FGFR1: variants seen among roughly 807,000 people sequenced by gnomAD.
FGFR1 encodes the protein FGFR1/PLAG1 fusion.
In FGFR1, 18 loss-of-function variants were observed where a neutral mutation model predicts 93.7. That is an observed-to-expected ratio of 0.19 (90% confidence interval 0.13 to 0.28). The LOEUF (loss-of-function observed/expected upper bound fraction) is 0.28, where lower values mean the gene tolerates loss of function less well. Ranked by LOEUF, FGFR1 falls within the 10% of genes least tolerant of loss-of-function variation. The pLI is 1.00. For missense variants in FGFR1, 731 were observed against 1,080.4 expected, an observed-to-expected ratio of 0.68 and a Z score of 4.53; for synonymous variants, 448 against 429.3, an observed-to-expected ratio of 1.04 and a Z score of -0.54.
At chr8:38,453,125 G>A (rs1831617410) in intron 2 of FGFR1, among the ~76,000 whole-genome samples, 1 of 152,210 alleles carries the variant, frequency 6.6e-6, no homozygotes, top group Non-Finnish European at 1.5e-5. Context: ...CCTGGGCACA[G>A]CAGTTCTCTG....
At chr8:38,437,712 C>T (rs961866260) in intron 2 of FGFR1, among the ~76,000 whole-genome samples, 1 of 152,160 alleles carries the variant, frequency 6.6e-6, no homozygotes, top group African/African-American at 2.4e-5. Flanking sequence ...AAAACAGTAA[C>T]AAATAATGAT....
chr8:38,457,236 G>A, intron 2 of FGFR1, 120 bp downstream of exon 2: 1 of 1,122,280 alleles, frequency 8.9e-7, no homozygotes, highest in South Asian at 1.3e-5. Flanking sequence ...GGAGTTCTTT[G>A]CTCCACTTGG....
At chr8:38,430,437 C>T (rs747200320) in intron 2 of FGFR1, 1 of 159,596 alleles carries the variant, frequency 6.3e-6, no homozygotes, top group Non-Finnish European at 1.4e-5. Context: ...CCCCAGCAGC[C>T]CCTGCCCAAG....
intron 1 of FGFR1, among the ~76,000 whole-genome samples, chr8:38,466,882 G>C (rs1835640608): frequency 1.2e-5 from 1 of 81,458 alleles, no homozygotes; most frequent in African/African-American, 4.3e-5. Context: ...ACAAGAAACA[G>C]GCTTCACACC....
intron 1 of FGFR1, among the ~76,000 whole-genome samples, chr8:38,464,230 C>T (rs532723722): frequency 8.2e-5 from 12 of 145,810 alleles, no homozygotes; most frequent in African/African-American, 3.0e-4. Flanking sequence ...GCAGGAGAAT[C>T]GCTTCAACCG....
chr8:38,434,931 G>A (rs1250695851), intron 2 of FGFR1: 1 of 152,468 alleles, frequency 6.6e-6, no homozygotes, highest in Non-Finnish European at 1.5e-5. Flanking sequence ...GCAATGGCGT[G>A]ATCTCGGATC....
In FGFR1 at chr8:38,446,558, G is replaced by A. The variant is rs947710373; in HGVS notation, c.91+10798C>T. On this transcript the variant is annotated intron_variant, in intron 2 of 17. Transcript: ENST00000447712. ...CTCCCGAGTAGCTGGGATTACAGGC[G>A]CCCACCACCACGCCCAGGTAATTTT... Among the ~76,000 whole-genome samples the A allele has an allele frequency of 2.6e-5, 4 of 152,010 alleles. No individual in the cohort carries two copies. The East Asian group carries it at 5.8e-4, about 22-fold the overall frequency.
At chr8:38,461,232 C>T (rs912737145) in intron 1 of FGFR1, 22 of 1,135,804 alleles carry the variant, frequency 1.9e-5, no homozygotes, top group African/African-American at 6.2e-5. Context: ...GGACGGACCA[C>T]GTGACCTTGA....
rs762408202 is a variant in FGFR1, at chr8:38,418,317, T to G, written c.1341A>C (p.Ser447=). 5 of 1,614,150 alleles carry G rather than the reference T, an allele frequency of 3.1e-6. 1 individual carries two copies. The South Asian group carries it at 5.5e-5, about 18-fold the overall frequency. ...MNSGVLLVRP[S]RLSSSGTPML... ...TGGGAGTCCCACTGGAGGAGAGCCG[T>G]GATGGCCGAACCAGAAGAACCCCAG... Residue 447 remains serine (S), a synonymous_variant, in exon 10 of 18, where the codon TCA becomes TCC. Transcript: ENST00000447712.
In FGFR1 at chr8:38,414,019, T is replaced by G; in HGVS notation, c.2191A>C (p.Met731Leu). 6.2e-7 allele frequency: 1 copy of G among 1,614,056 alleles called. No homozygotes were observed. Among genetic ancestry groups the G allele is most frequent in the Non-Finnish European group, 8.5e-7 (1 of 1,179,966 alleles). ...KPSNCTNELY[M>L]MMRDCWHAVP... ...GCATGCCAGCAGTCCCGCATCATCATGTACCTGCGGCAGGACTGTAAGGTC... is the reference window on the plus strand; with the variant it reads ...GCATGCCAGCAGTCCCGCATCATCAGGTACCTGCGGCAGGACTGTAAGGTC... Residue 731 changes from methionine to leucine, a missense_variant, in exon 17 of 18, where the codon ATG becomes CTG. Coordinates refer to ENST00000447712, the MANE Select transcript of FGFR1 (RefSeq NM_023110.3).
rs190045714 is a variant in FGFR1, at chr8:38,438,901, T to C, written c.92-8953A>G. ...TCCTTCCCTCATTTCCTCAAGCCCATAGCTCATATCAATCATTACCTTACA... is the reference window on the plus strand; with the variant it reads ...TCCTTCCCTCATTTCCTCAAGCCCACAGCTCATATCAATCATTACCTTACA... On this transcript the variant is annotated intron_variant, in intron 2 of 17. Transcript: ENST00000447712. Among the ~76,000 whole-genome samples the C allele has an allele frequency of 1.3e-4, 20 of 152,252 alleles. 1 individual carries two copies. Among genetic ancestry groups the C allele is most frequent in the East Asian group, 7.7e-4 (4 of 5,186 alleles).
At chr8:38,457,609 G>A (rs1586749545) in intron 1 of FGFR1, 75 bp from the exon 2 acceptor site, 3 of 1,439,788 alleles carry the variant, frequency 2.1e-6, no homozygotes, top group African/African-American at 2.8e-5. Flanking sequence ...AGAAGGTAAA[G>A]TATGCCATGT....
Position 38,411,596 on chromosome 8 carries a change from A to G in FGFR1, c.*2032T>C, listed in dbSNP as rs188827615. ...GCAGCAATCCCATTTTCCCTACAGA[A>G]ATGAAAACATATTGAACTTTCTTTT... On this transcript the variant is annotated 3_prime_UTR_variant, in exon 18 of 18. Transcript: ENST00000447712. 8.3e-4 allele frequency: 189 copies of G among 228,702 alleles called. 1 individual carries two copies. Among genetic ancestry groups the G allele is most frequent in the Middle Eastern group, 6.6e-3 (5 of 762 alleles). The allele number at this position is 228,702 out of a possible 1,614,324, so 14.2% of individuals were successfully genotyped here. A position where few individuals can be genotyped will look rare whatever the true frequency, so the allele number is the denominator to read the frequency against.
At position 38,416,617 on chromosome 8, in the gene FGFR1, G is replaced by A. The variant is rs554453260; in HGVS notation, c.1664-557C>T. On this transcript the variant is annotated intron_variant, in intron 12 of 17. Coordinates refer to ENST00000447712, the MANE Select transcript of FGFR1 (RefSeq NM_023110.3). ...ATTACAGGCATGCGCCACCACGCCC[G>A]GCTACTTTTTGTATTTTTAGTAGAG... is the stretch of plus-strand genomic sequence containing the variant. Among the ~76,000 whole-genome samples the A allele has an allele frequency of 1.3e-4, 20 of 151,994 alleles. 1 individual carries two copies. Among genetic ancestry groups the A allele is most frequent in the Non-Finnish European group, 2.5e-4 (17 of 67,966 alleles).
At position 38,411,325 on chromosome 8, in the gene FGFR1, G is replaced by A. The variant is rs1398378293; in HGVS notation, c.*2303C>T. 4.7e-6 allele frequency: 1 copy of A among 213,748 alleles called. No homozygotes were observed. The allele number at this position is 213,748 out of a possible 1,614,324, so 13.2% of individuals were successfully genotyped here. On this transcript the variant is annotated 3_prime_UTR_variant, in exon 18 of 18. Coordinates refer to ENST00000447712, the MANE Select transcript of FGFR1 (RefSeq NM_023110.3). ...ATCCCTTCACACAACATTGCTTCAA[G>A]GTAGGGCCAAGGCAGAAATTATCAT...
At chr8:38,428,229 C>A in intron 4 of FGFR1, 117 bp downstream of exon 4, 1 of 1,459,816 alleles carries the variant, frequency 6.9e-7, no homozygotes, top group Non-Finnish European at 9.6e-7. Flanking sequence ...TGGCACTTAG[C>A]AGAACAGGCA....
rs768986378 is a variant in FGFR1 at position 38,415,879 on chromosome 8, G to A, written c.1845C>T (p.Ala615=). 1 of 1,613,644 alleles carries A rather than the reference G, an allele frequency of 6.2e-7. No individual in the cohort carries two copies. Among genetic ancestry groups the A allele is most frequent in the Non-Finnish European group, 8.5e-7 (1 of 1,180,014 alleles). Residue 615 remains alanine (A), a synonymous_variant, in exon 13 of 18, where the codon GCC becomes GCT. Coordinates refer to ENST00000447712, the MANE Select transcript of FGFR1 (RefSeq NM_023110.3). Reference sequence around the variant, plus strand: ...CCTTCAGGTTCCACACCTTCTTGGAGGCCAGATACTCCATGCCTCGGGCCA... The same window carrying A: ...CCTTCAGGTTCCACACCTTCTTGGAAGCCAGATACTCCATGCCTCGGGCCA... The part of the protein sequence containing the change: ...YQVARGMEYL[A]SKKCIHRDLA...
At chr8:38,459,794 A>T (rs1441083329) in intron 1 of FGFR1, among the ~76,000 whole-genome samples, 1 of 152,162 alleles carries the variant, frequency 6.6e-6, no homozygotes, top group Non-Finnish European at 1.5e-5. Context: ...ACTCCATCTG[A>T]TGCAAACTCA....
At chr8:38,447,461 A>T (rs897884988) in intron 2 of FGFR1, among the ~76,000 whole-genome samples, 2 of 151,582 alleles carry the variant, frequency 1.3e-5, no homozygotes, top group East Asian at 3.9e-4. Flanking sequence ...AATGTCAAGC[A>T]TGCAGAGTGT....
Sources: gnomAD v4.1 joint callset for allele counts (sites outside exome capture counted in the v4.1 genomes callset) on GRCh38, gnomAD v4.1.1 for gene constraint, MANE v1.5 for transcripts, NCBI Gene and HGNC (gene_info 2026-07-23, HGNC 2026-07-21) for gene names.